TBC1D7: variants seen among roughly 807,000 people sequenced by gnomAD.
TBC1D7 encodes the protein TBC1 domain family member 7, also known as TBC domain family 7.
In TBC1D7, 33 loss-of-function variants were observed where a neutral mutation model predicts 35.3. The ratio of observed to expected loss-of-function variants is 0.93; its 90% CI spans 0.71 to 1.25. TBC1D7 has a LOEUF of 1.25. Ranked by LOEUF, TBC1D7 falls within the 50% of genes most tolerant of loss-of-function variation. The probability of loss-of-function intolerance (pLI) is 0.00; values close to 1 mark genes in which losing one functional copy is unlikely to be tolerated. For synonymous variants in TBC1D7, 135 were observed against 129.5 expected (o/e 1.04, Z -0.29); for missense variants, 362 against 365.3 (o/e 0.99, Z 0.07).
At chr6:13,307,387 A>T in intron 6 of TBC1D7, 1 of 493,406 alleles carries the variant, frequency 2.0e-6, no homozygotes, top group South Asian at 3.0e-5. Context: ...TGACTGCTTC[A>T]CAGCATCTAA....
intron 1 of TBC1D7, chr6:13,327,631 T>G (rs1196118727): frequency 6.6e-6 from 1 of 152,236 alleles, no homozygotes; most frequent in Non-Finnish European, 1.5e-5. Context: ...CAATTGACAG[T>G]GATCCCAAAG....
chr6:13,316,421 T>C (rs1369402546), intron 5 of TBC1D7, 150 bp downstream of exon 5: 7 of 830,474 alleles, frequency 8.4e-6, no homozygotes, highest in Non-Finnish European at 9.2e-6. Context: ...AATATTTAGA[T>C]TATATGGACT....
At chr6:13,327,763 A>C (rs1584583002) in intron 1 of TBC1D7, 1 of 152,336 alleles carries the variant, frequency 6.6e-6, no homozygotes, top group East Asian at 1.9e-4. Context: ...AAAAAAGACC[A>C]AGTTAGATTT....
rs1255963892 is a variant in TBC1D7 at position 13,320,903 on chromosome 6, CT to C, written c.381+4del. ...GCTTAGTGTCAGACAAAAGTGACCA[CT>C]AACCAGTGGAAAAGAGGGACTTCGA... is the stretch of plus-strand genomic sequence containing the variant. On this transcript the variant is annotated splice_donor_region_variant and intron_variant, in intron 4 of 7. Coordinates refer to ENST00000379300, the MANE Select transcript of TBC1D7 (RefSeq NM_016495.6). 3 of 1,613,780 alleles carry C rather than the reference CT, an allele frequency of 1.9e-6. No homozygotes were observed. The highest frequency in any genetic ancestry group is 2.5e-6 in the Non-Finnish European group (3 of 1,179,966).
At chr6:13,312,936 T>C (rs1783335544) in intron 5 of TBC1D7, among the ~76,000 whole-genome samples, 1 of 152,112 alleles carries the variant, frequency 6.6e-6, no homozygotes, top group South Asian at 2.1e-4. Context: ...CAACCAACCA[T>C]GGGCCAAAAA....
At chr6:13,307,543 G>A (rs1378567302) in intron 6 of TBC1D7, 57 bp downstream of exon 6, 2 of 1,580,758 alleles carry the variant, frequency 1.3e-6, no homozygotes, top group Non-Finnish European at 1.7e-6. Flanking sequence ...CCACATGAAA[G>A]GCCAGAACTC....
At chr6:13,307,405 A>C in intron 6 of TBC1D7, 195 bp downstream of exon 6, 4 of 567,294 alleles carry the variant, frequency 7.1e-6, no homozygotes, top group Non-Finnish European at 1.2e-5. Flanking sequence ...TAACGCACTG[A>C]GGGCCCTTAA....
At chr6:13,322,860 C>A (rs542900481) in intron 3 of TBC1D7, among the ~76,000 whole-genome samples, 1 of 152,252 alleles carries the variant, frequency 6.6e-6, no homozygotes, top group African/African-American at 2.4e-5. Context: ...GCACATTAAC[C>A]CTTAAACCTG....
chr6:13,310,498 C>T lies in TBC1D7; in HGVS notation c.520-2753G>A, dbSNP rs548476092. On this transcript the variant is annotated intron_variant, in intron 5 of 7. Coordinates refer to ENST00000379300, the MANE Select transcript of TBC1D7 (RefSeq NM_016495.6). Reference sequence around the variant, plus strand: ...ACTAAAAATACAAAAATTAGCTGGGCGTGGTGGCATGTGCCGGTGATCCCA... The same window carrying T: ...ACTAAAAATACAAAAATTAGCTGGGTGTGGTGGCATGTGCCGGTGATCCCA... Among the ~76,000 whole-genome samples, 7 of 152,094 alleles carry T rather than the reference C, an allele frequency of 4.6e-5. No individual in the cohort carries two copies. The South Asian group carries it at 8.3e-4, about 18-fold the overall frequency.
intron 5 of TBC1D7, among the ~76,000 whole-genome samples, chr6:13,311,355 C>T (rs1029989672): frequency 2.0e-5 from 3 of 152,178 alleles, no homozygotes; most frequent in African/African-American, 7.2e-5. Flanking sequence ...AGGAGAGAGG[C>T]TATGATGCAA....
Position 13,316,699 on chromosome 6 carries a change from C to T in TBC1D7, c.391G>A (p.Asp131Asn), listed in dbSNP as rs572363810. The T allele has an allele frequency of 1.2e-6, 2 of 1,613,772 alleles. No homozygotes were observed. The highest frequency in any genetic ancestry group is 2.7e-5 in the African/African-American group (2 of 74,930). Reference sequence around the variant, plus strand: ...TTAGCTATGGCAAGAAACACTTCATCATCTGGCTCCTGAAAGATTAATAAT... The same window carrying T: ...TTAGCTATGGCAAGAAACACTTCATTATCTGGCTCCTGAAAGATTAATAAT... The part of the protein sequence containing the change: ...RSPSFPLEPD[D>N]EVFLAIAKAM... The change falls in exon 5 of 8, where the codon GAT (aspartate) becomes AAT (asparagine). Residue 131 changes from aspartate to asparagine, a missense_variant. By Grantham distance (23) the Asp-to-Asn change is conservative. Transcript: ENST00000379300.
At position 13,311,504 on chromosome 6, in the gene TBC1D7, T is replaced by A. The variant is rs976404012; in HGVS notation, c.520-3759A>T. On this transcript the variant is annotated intron_variant, in intron 5 of 7. Coordinates refer to ENST00000379300, the MANE Select transcript of TBC1D7 (RefSeq NM_016495.6). ...GCAACCTAAACTGTGTGTTATAAGA[T>A]AGACTAAAGATGGTTTCACTAGAGA... Among the ~76,000 whole-genome samples, 9 of 152,310 alleles carry A rather than the reference T, an allele frequency of 5.9e-5. No homozygotes were observed. In the East Asian group the frequency reaches 1.2e-3, roughly 20 times the overall value.
chr6:13,323,496 A>G (rs1470588394), intron 3 of TBC1D7, among the ~76,000 whole-genome samples: 3 of 152,214 alleles, frequency 2.0e-5, no homozygotes, highest in Non-Finnish European at 4.4e-5. Flanking sequence ...ATAGACACAC[A>G]GCACCTCCCA....
intron 5 of TBC1D7, 127 bp downstream of exon 5, chr6:13,316,444 G>A (rs1265453980): frequency 9.9e-7 from 1 of 1,005,304 alleles, no homozygotes; most frequent in Non-Finnish European, 1.4e-6. Context: ...TACAGAAAAC[G>A]CTTGCTGAGT....
At chr6:13,305,253 C>T (rs905702839) in intron 7 of TBC1D7, 66 bp from the exon 8 acceptor site, 73 of 1,463,496 alleles carry the variant, frequency 5.0e-5, no homozygotes, top group East Asian at 9.1e-5. Context: ...TTCCCTCATT[C>T]GCTGTGGCAT....
At chr6:13,319,941 A>G (rs755928073) in intron 4 of TBC1D7, 11 of 152,186 alleles carry the variant, frequency 7.2e-5, no homozygotes, top group Non-Finnish European at 1.5e-4. Context: ...TCGCCAAGTG[A>G]TCCAAGTTAA....
rs755946421 is a variant in TBC1D7 at position 13,326,824 on chromosome 6, C to T, written c.75G>A (p.Lys25=). 4 of 1,613,116 alleles carry T rather than the reference C, an allele frequency of 2.5e-6. No homozygotes were observed. Among genetic ancestry groups the T allele is most frequent in the Middle Eastern group, 1.7e-4 (1 of 6,058 alleles). The change falls in exon 2 of 8, where the codon AAG becomes AAA. Residue 25 remains lysine (K), a synonymous_variant. Transcript: ENST00000379300. ...CTTTTAGGAGAATTTCTAATGATTT[C>T]TTTTCTTCAACTCCACGAAACCCCA... is the stretch of plus-strand genomic sequence containing the variant. ...EKVGFRGVEE[K]KSLEILLKDD...
At chr6:13,317,983 C>A in intron 4 of TBC1D7, 1 of 152,476 alleles carries the variant, frequency 6.6e-6, no homozygotes, top group Non-Finnish European at 1.5e-5. Flanking sequence ...GGGCTCTGCC[C>A]TCATCAGTGG....
intron 4 of TBC1D7, chr6:13,320,639 G>C (rs1008660221): frequency 1.6e-6 from 1 of 621,512 alleles, no homozygotes; most frequent in Non-Finnish European, 2.9e-6. Context: ...CTGGGTAAAG[G>C]GTATATGCAA....
Sources: allele counts gnomAD v4.1 joint callset (sites outside exome capture counted in the v4.1 genomes callset), GRCh38; gene constraint gnomAD v4.1.1; transcripts MANE v1.5; gene names NCBI Gene and HGNC (gene_info 2026-07-23, HGNC 2026-07-21).